SCARB2: variants seen among roughly 807,000 people sequenced by gnomAD.
SCARB2 encodes the protein scavenger receptor class B member 2, also known as lysosome membrane protein 2.
SCARB2 carries 29 observed loss-of-function variants against 58.6 expected under a neutral mutation model. The ratio of observed to expected loss-of-function variants is 0.49; its 90% CI spans 0.37 to 0.67. SCARB2 has a LOEUF of 0.67. Ranked by LOEUF, SCARB2 falls within the 30% of genes least tolerant of loss-of-function variation. The probability of loss-of-function intolerance (pLI) is 0.00; values close to 1 mark genes in which losing one functional copy is unlikely to be tolerated. For synonymous variants in SCARB2, 195 were observed against 210.1 expected, an observed-to-expected ratio of 0.93 and a Z score of 0.62; for missense variants, 488 against 578.5, an observed-to-expected ratio of 0.84 and a Z score of 1.60.
intron 1 of SCARB2, among the ~76,000 whole-genome samples, chr4:76,206,789 T>C (rs1317581976): frequency 6.6e-6 from 1 of 151,750 alleles, no homozygotes; most frequent in Admixed American, 6.6e-5. Context: ...ATTATGGAGA[T>C]ATGAATGCTC....
At chr4:76,168,352 G>T (rs750590808) in intron 9 of SCARB2, 51 bp downstream of exon 9, 3 of 1,381,342 alleles carry the variant, frequency 2.2e-6, no homozygotes, top group Non-Finnish European at 3.1e-6. Context: ...CCCACCAGAC[G>T]GGCAATGGAG....
Position 76,195,733 on chromosome 4 carries a change from C to T in SCARB2, c.249G>A (p.Val83=), listed in dbSNP as rs1475517096. 1.1e-5 allele frequency: 17 copies of T among 1,613,948 alleles called. No homozygotes were observed. Among genetic ancestry groups the T allele is most frequent in the Non-Finnish European group, 1.4e-5 (17 of 1,179,966 alleles). The change falls in exon 2 of 12, where the codon GTG becomes GTA. Residue 83 remains valine, a synonymous_variant. Transcript: ENST00000264896. ...EEILRGETPR[V]EEVGPYTYRE... is the part of the protein sequence containing the mutation. The stretch of plus-strand genomic sequence containing the variant: ...TGTAGGTGTATGGCCCCACTTCTTC[C>T]ACCCGAGGGGTCTCCCCTCTGAGGA...
intron 2 of SCARB2, among the ~76,000 whole-genome samples, chr4:76,185,355 A>C (rs1390150485): frequency 6.6e-6 from 1 of 152,260 alleles, no homozygotes; most frequent in Non-Finnish European, 1.5e-5. Context: ...AAACAAAACA[A>C]AAACAACAAC....
At chr4:76,165,360 G>A (rs1249035816) in intron 10 of SCARB2, 1 of 152,080 alleles carries the variant, frequency 6.6e-6, no homozygotes, top group African/African-American at 2.4e-5. Context: ...TGTATCTATC[G>A]TATGATTTCA....
intron 1 of SCARB2, among the ~76,000 whole-genome samples, chr4:76,208,498 T>C (rs1732973926): frequency 6.6e-6 from 1 of 152,192 alleles, no homozygotes; most frequent in African/African-American, 2.4e-5. Context: ...AGCATGTCTA[T>C]GAGAGGTCAA....
intron 2 of SCARB2, among the ~76,000 whole-genome samples, chr4:76,189,474 C>CTGTTGT (rs138885918): frequency 0.57 from 85,887 of 150,330 alleles, 26,166 homozygotes; most frequent in East Asian, 0.94. Context: ...TTTTGTTTGT[C>CTGTTGT]TGTTGTTGTT....
Position 76,181,041 on chromosome 4 carries a change from A to G in SCARB2, c.336T>C (p.Val112=). The part of the protein sequence containing the change: ...FGDNGTTISA[V]SNKAYVFERD... ...GTTCAAAAACATAGGCCTTGTTGCTAACAGCAGATATTGTTGTTCCATTAT... is the reference window on the plus strand; with the variant it reads ...GTTCAAAAACATAGGCCTTGTTGCTGACAGCAGATATTGTTGTTCCATTAT... Residue 112 remains valine, a synonymous_variant, in exon 3 of 12, where the codon GTT becomes GTC. Coordinates refer to ENST00000264896, the MANE Select transcript of SCARB2 (RefSeq NM_005506.4). 3 of 1,613,836 alleles carry G rather than the reference A, an allele frequency of 1.9e-6. No homozygotes were observed. The highest frequency in any genetic ancestry group is 2.5e-6 in the Non-Finnish European group (3 of 1,179,864).
chr4:76,199,975 G>A (rs1217017298), intron 1 of SCARB2, among the ~76,000 whole-genome samples: 2 of 152,200 alleles, frequency 1.3e-5, no homozygotes, highest in Admixed American at 1.3e-4. Flanking sequence ...GGGCATTCAA[G>A]TGTGCACTCC....
At chr4:76,171,089 C>T (rs1167086559) in intron 7 of SCARB2, among the ~76,000 whole-genome samples, 5 of 151,954 alleles carry the variant, frequency 3.3e-5, no homozygotes, top group South Asian at 2.1e-4. Context: ...AGGAGCTTGT[C>T]GGCAAGTTAT....
chr4:76,181,206 A>C (rs1340407036), intron 2 of SCARB2, 105 bp from the exon 3 acceptor site: 10 of 1,160,710 alleles, frequency 8.6e-6, no homozygotes, highest in Non-Finnish European at 1.3e-6. Context: ...TAACATTCCC[A>C]ATATAACATT....
At chr4:76,203,654 A>G (rs1732874000) in intron 1 of SCARB2, among the ~76,000 whole-genome samples, 1 of 152,222 alleles carries the variant, frequency 6.6e-6, no homozygotes, top group Non-Finnish European at 1.5e-5. Flanking sequence ...AACCTCTCTG[A>G]GCTGTGTGTA....
chr4:76,165,927 G>A (rs1477591812), intron 10 of SCARB2: 2 of 457,368 alleles, frequency 4.4e-6, no homozygotes, highest in South Asian at 2.2e-5. Context: ...CTATCTGAGT[G>A]TGAGCTATTT....
chr4:76,174,328 G>A lies in SCARB2; in HGVS notation c.825-15C>T, dbSNP rs1481738246. The A allele has an allele frequency of 6.2e-7, 1 of 1,613,442 alleles. No homozygotes were observed. Among genetic ancestry groups the A allele is most frequent in the African/African-American group, 1.3e-5 (1 of 75,028 alleles). ...TATACACTGACCTGTTAGGATGTAA[G>A]AATAAAAAGTGAATGTGGACTCTGG... On this transcript the variant is annotated splice_polypyrimidine_tract_variant and intron_variant, in intron 6 of 11. Coordinates refer to ENST00000264896, the MANE Select transcript of SCARB2 (RefSeq NM_005506.4).
At chr4:76,214,488 G>A (rs890597778), upstream of SCARB2, 74 of 362,374 alleles carry the variant, frequency 2.0e-4, 2 homozygotes, top group South Asian at 1.5e-3. Flanking sequence ...AGTTCCTTTT[G>A]ACTGTAGGCT....
intron 9 of SCARB2, among the ~76,000 whole-genome samples, chr4:76,167,091 GA>G (rs1228526764): frequency 6.6e-6 from 1 of 152,120 alleles, no homozygotes; most frequent in African/African-American, 2.4e-5. Context: ...AATTCCCATT[GA>G]AAAGTCTGAG....
At chr4:76,220,105 TC>T (rs1733282840) in intron 1 of SCARB2, among the ~76,000 whole-genome samples, 1 of 152,184 alleles carries the variant, frequency 6.6e-6, no homozygotes, top group Non-Finnish European at 1.5e-5. Flanking sequence ...AAATCACAGT[TC>T]TTTAAAAAGT....
upstream of SCARB2, among the ~76,000 whole-genome samples, chr4:76,215,641 A>G (rs1733192514): frequency 6.6e-6 from 1 of 152,230 alleles, no homozygotes; most frequent in African/African-American, 2.4e-5. Flanking sequence ...AAGCTAGATC[A>G]TAAATGCCTT....
intron 1 of SCARB2, among the ~76,000 whole-genome samples, chr4:76,223,282 G>T (rs1374988731): frequency 6.6e-6 from 1 of 152,136 alleles, no homozygotes; most frequent in Non-Finnish European, 1.5e-5. Flanking sequence ...CCTGTGAAAG[G>T]CTTTGGGAGA....
At chr4:76,181,250 C>G in intron 2 of SCARB2, 149 bp from the exon 3 acceptor site, 1 of 788,928 alleles carries the variant, frequency 1.3e-6, no homozygotes, top group Non-Finnish European at 2.0e-6. Context: ...CCTTAAAAAG[C>G]TGGAGATCGA....
Sources: gnomAD v4.1 joint callset for allele counts (sites outside exome capture counted in the v4.1 genomes callset) on GRCh38, gnomAD v4.1.1 for gene constraint, MANE v1.5 for transcripts, NCBI Gene and HGNC (gene_info 2026-07-23, HGNC 2026-07-21) for gene names.